ZNF431: variants seen among roughly 807,000 people sequenced by gnomAD.
ZNF431 encodes the protein zinc finger protein 431.
In ZNF431, 34 loss-of-function variants were observed where a neutral mutation model predicts 57.0. The observed-to-expected ratio is 0.60, with a 90% CI of 0.45 to 0.79. ZNF431 has a LOEUF of 0.79. Among genes scored for constraint, ZNF431 ranks in the 30% least tolerant of loss-of-function variants. ZNF431 has a pLI of 0.00. For synonymous variants in ZNF431, 207 were observed against 220.3 expected (o/e 0.94, Z 0.54); for missense variants, 607 against 667.1 (o/e 0.91, Z 0.99).
intron 2 of ZNF431, among the ~76,000 whole-genome samples, chr19:21,147,188 C>G (rs1414181559): frequency 6.6e-6 from 1 of 152,100 alleles, no homozygotes; most frequent in African/African-American, 2.4e-5. Flanking sequence ...CACAAACTTG[C>G]ATTTAAGAAC....
At position 21,194,638 on chromosome 19, in the gene ZNF431, T is replaced by G. The variant is rs1399056628; in HGVS notation, c.*10604T>G. ...TGCCCACCAGCACACCTGGCTAATT[T>G]TTATGTTTTTAGTAGAGATCGAGTT... On this transcript the variant is annotated 3_prime_UTR_variant, in exon 5 of 5. Transcript: ENST00000311048. The G allele has an allele frequency of 6.6e-6, 1 of 151,960 alleles. No individual in the cohort carries two copies. The highest frequency in any genetic ancestry group is 1.5e-5 in the Non-Finnish European group (1 of 68,000). 9.4% of individuals were successfully genotyped at this position (151,960 alleles called of 1,614,324 possible). A position where few individuals can be genotyped will look rare whatever the true frequency, so the allele number is the denominator to read the frequency against.
At chr19:21,158,204 T>TTTG (rs1380334556) in intron 2 of ZNF431, among the ~76,000 whole-genome samples, 2 of 152,028 alleles carry the variant, frequency 1.3e-5, no homozygotes, top group Non-Finnish European at 2.9e-5. Context: ...ATCTCTGACT[T>TTTG]TTGTTGTTCT....
chr19:21,189,474 A>G lies in ZNF431; in HGVS notation c.*5440A>G, dbSNP rs952917321. 2 of 152,250 alleles carry G rather than the reference A, an allele frequency of 1.3e-5. No individual in the cohort carries two copies. Among genetic ancestry groups the G allele is most frequent in the African/African-American group, 2.4e-5 (1 of 41,250 alleles). 9.4% of individuals were successfully genotyped at this position (152,250 alleles called of 1,614,324 possible). A position where few individuals can be genotyped will look rare whatever the true frequency, so the allele number is the denominator to read the frequency against. On this transcript the variant is annotated 3_prime_UTR_variant, in exon 5 of 5. Transcript: ENST00000311048. ...CTCCAGACTGGGGGACAGAGTGACT[A>G]TCAAAAAAAAAAAAAACTTTACCTC...
chr19:21,173,127 CT>C (rs1970954791), intron 4 of ZNF431, among the ~76,000 whole-genome samples: 1 of 152,020 alleles, frequency 6.6e-6, no homozygotes, highest in African/African-American at 2.4e-5. Flanking sequence ...AACATTTGAT[CT>C]TTGATTTCTG....
rs1282213647 is a variant in ZNF431 at position 21,195,624 on chromosome 19, AT to A, written c.*11597del. On this transcript the variant is annotated 3_prime_UTR_variant, in exon 5 of 5. Coordinates refer to ENST00000311048, the MANE Select transcript of ZNF431 (RefSeq NM_133473.4). ...ATCTTTTTTGCATATTGAATTCTGCATTTTTTTCTTCCTTGATACGTATGAG... is the reference window on the plus strand; with the variant it reads ...ATCTTTTTTGCATATTGAATTCTGCATTTTTTCTTCCTTGATACGTATGAG... 6.6e-6 allele frequency: 1 copy of A among 151,992 alleles called. No individual in the cohort carries two copies. The highest frequency in any genetic ancestry group is 1.5e-5 in the Non-Finnish European group (1 of 67,976). The allele number at this position is 151,992 out of a possible 1,614,324, so 9.4% of individuals were successfully genotyped here.
intron 2 of ZNF431, among the ~76,000 whole-genome samples, chr19:21,146,425 A>G (rs867549490): frequency 3.4e-4 from 51 of 150,790 alleles, no homozygotes; most frequent in Middle Eastern, 3.4e-3. Flanking sequence ...AAAAAAAAAA[A>G]AAGAAGAAGA....
At chr19:21,181,964 T>G (rs1262506033) in intron 4 of ZNF431, among the ~76,000 whole-genome samples, 1 of 152,208 alleles carries the variant, frequency 6.6e-6, no homozygotes, top group Non-Finnish European at 1.5e-5. Context: ...TTTGAGATCC[T>G]GTGAGACTCT....
Position 21,143,558 on chromosome 19 carries a change from T to G in ZNF431, c.11T>G (p.Leu4Trp), listed in dbSNP as rs1214884317. Residue 4 changes from leucine (L) to tryptophan (W), a missense_variant, in exon 2 of 5, where the codon TTG (leucine) becomes TGG (tryptophan). Coordinates refer to ENST00000311048, the MANE Select transcript of ZNF431 (RefSeq NM_133473.4). ...GTTTATTTTCTTCCATAGGACGACT[T>G]GAAATATGGAGTGTATCCTCTCAAG... MDD[L>W]KYGVYPLKEA... is the part of the protein sequence containing the mutation. The G allele has an allele frequency of 6.2e-7, 1 of 1,613,454 alleles. No homozygotes were observed. Among genetic ancestry groups the G allele is most frequent in the Non-Finnish European group, 8.5e-7 (1 of 1,179,408 alleles).
At chr19:21,172,620 T>C (rs768428356) in intron 4 of ZNF431, among the ~76,000 whole-genome samples, 1 of 152,074 alleles carries the variant, frequency 6.6e-6, no homozygotes, top group Non-Finnish European at 1.5e-5. Context: ...GGGCAACATA[T>C]GGAGATTTCC....
chr19:21,183,960 T>G lies in ZNF431; in HGVS notation c.1657T>G (p.Ser553Ala). The change falls in exon 5 of 5, where the codon TCA (serine) becomes GCA (alanine). Residue 553 changes from serine to alanine, a missense_variant. By Grantham distance (99) the Ser-to-Ala change is moderately conservative (BLOSUM62 1). Coordinates refer to ENST00000311048, the MANE Select transcript of ZNF431 (RefSeq NM_133473.4). ...EECDNTFNQS[S>A]NLIKQNNSYW... ...ATGTGACAATACATTTAACCAGTCC[T>G]CAAACCTTATTAAACAAAATAATTC... The G allele has an allele frequency of 6.3e-7, 1 of 1,598,128 alleles. No individual in the cohort carries two copies. Among genetic ancestry groups the G allele is most frequent in the Non-Finnish European group, 8.5e-7 (1 of 1,175,198 alleles).
At chr19:21,179,883 G>A (rs924857239) in intron 4 of ZNF431, among the ~76,000 whole-genome samples, 6 of 151,912 alleles carry the variant, frequency 3.9e-5, no homozygotes, top group African/African-American at 1.2e-4. Flanking sequence ...ATTCTCATTG[G>A]TTTCAAATAA....
chr19:21,170,013 G>C, intron 4 of ZNF431: 1 of 394,730 alleles, frequency 2.5e-6, no homozygotes, highest in Non-Finnish European at 4.5e-6. Context: ...ATTCTCTGTT[G>C]GACCAAGTTG....
intron 2 of ZNF431, among the ~76,000 whole-genome samples, chr19:21,157,648 C>T (rs1970454800): frequency 6.6e-6 from 1 of 152,136 alleles, no homozygotes. Context: ...TCTCCTGCCT[C>T]AGCCTCCCGA....
intron 2 of ZNF431, among the ~76,000 whole-genome samples, chr19:21,162,214 C>T (rs1489856699): frequency 6.6e-6 from 1 of 151,684 alleles, no homozygotes; most frequent in Admixed American, 6.6e-5. Flanking sequence ...AGCTCTGTAG[C>T]TCAGGCTGGA....
intron 4 of ZNF431, among the ~76,000 whole-genome samples, chr19:21,168,105 T>A (rs930137841): frequency 1.3e-5 from 2 of 152,142 alleles, no homozygotes; most frequent in African/African-American, 4.8e-5. Flanking sequence ...TTCTTGTTAA[T>A]TTTTTTGCAT....
At chr19:21,148,500 G>A (rs1970173294) in intron 2 of ZNF431, among the ~76,000 whole-genome samples, 1 of 152,100 alleles carries the variant, frequency 6.6e-6, no homozygotes, top group African/African-American at 2.4e-5. Flanking sequence ...TTGACACACA[G>A]AATCTCTTTT....
Position 21,189,915 on chromosome 19 carries a change from C to G in ZNF431, c.*5881C>G. On this transcript the variant is annotated 3_prime_UTR_variant, in exon 5 of 5. Transcript: ENST00000311048. ...AATCCCAGCTCTGGGAGGCCAAGGC[C>G]AGTGGATTGCTTGAGCCCAGGAGTT... 1 of 397,838 alleles carries G rather than the reference C, an allele frequency of 2.5e-6. No individual in the cohort carries two copies. Among genetic ancestry groups the G allele is most frequent in the Non-Finnish European group, 4.4e-6 (1 of 225,980 alleles). 24.6% of individuals were successfully genotyped at this position (397,838 alleles called of 1,614,324 possible).
At chr19:21,169,816 T>C (rs1323543087) in intron 4 of ZNF431, 2 of 398,588 alleles carry the variant, frequency 5.0e-6, no homozygotes, top group East Asian at 7.1e-5. Context: ...AAACTGATCA[T>C]GATCTGCGGC....
intron 2 of ZNF431, among the ~76,000 whole-genome samples, chr19:21,164,198 C>G (rs1159909908): frequency 6.6e-6 from 1 of 151,876 alleles, no homozygotes; most frequent in Non-Finnish European, 1.5e-5. Context: ...TGACTCTAAG[C>G]TGAGGCCAGA....
Sources: gnomAD v4.1 joint callset for allele counts (sites outside exome capture counted in the v4.1 genomes callset) on GRCh38, gnomAD v4.1.1 for gene constraint, MANE v1.5 for transcripts, NCBI Gene and HGNC (gene_info 2026-07-23, HGNC 2026-07-21) for gene names.